Variants in AOPEP observed in about 807,000 individuals in gnomAD.
The protein encoded by AOPEP is aminopeptidase O (putative).
Under a neutral mutation model 98.1 loss-of-function variants are expected in AOPEP, and 77 were observed. The observed-to-expected ratio is 0.78, with a 90% CI of 0.65 to 0.95. The LOEUF is 0.95. AOPEP is among the 40% of genes least tolerant of loss of function. The pLI is 0.00. For synonymous variants in AOPEP, 346 were observed against 365.3 expected (o/e 0.95, Z 0.60); for missense variants, 1,024 against 1,024.7 (o/e 1.00, Z 0.01).
the AOPEP span, chr9:95,100,732 G>T: frequency 4.4e-6 from 1 of 227,366 alleles, no homozygotes; most frequent in African/African-American, 2.2e-5. Context: ...CCGGGTTCAA[G>T]AGATCCTCAT....
At chr9:94,742,177 A>G (rs1273649251) in intron 1 of AOPEP, among the ~76,000 whole-genome samples, 3 of 152,214 alleles carry the variant, frequency 2.0e-5, no homozygotes, top group South Asian at 2.1e-4. Flanking sequence ...AGAGTTGTAT[A>G]CAAGAATTTA....
intron 11 of AOPEP, among the ~76,000 whole-genome samples, chr9:94,979,775 G>A (rs2060066990): frequency 6.6e-6 from 1 of 152,222 alleles, no homozygotes; most frequent in Non-Finnish European, 1.5e-5. Flanking sequence ...GGTGGCAGGG[G>A]AGCAGGTTGA....
chr9:95,062,555 C>T (rs2067419037), intron 14 of AOPEP, among the ~76,000 whole-genome samples: 1 of 152,228 alleles, frequency 6.6e-6, no homozygotes, highest in Non-Finnish European at 1.5e-5. Context: ...CGGTCTGTCC[C>T]TCCCTCTTTT....
chr9:95,017,075 G>C (rs1490428076), intron 13 of AOPEP, among the ~76,000 whole-genome samples: 1 of 151,712 alleles, frequency 6.6e-6, no homozygotes, highest in Non-Finnish European at 1.5e-5. Flanking sequence ...AGGAGAAAAA[G>C]CTATGAAGGG....
In AOPEP at chr9:95,085,596, G is replaced by A. The variant is rs75439956; in HGVS notation, c.*5-1086G>A. 2,151 of 423,746 alleles carry A rather than the reference G, an allele frequency of 5.1e-3. 44 individuals carry two copies. The highest frequency in any genetic ancestry group is 0.041 in the African/African-American group (1,960 of 48,360). The allele number at this position is 423,746 out of a possible 1,614,324, so 26.2% of individuals were successfully genotyped here. On this transcript the variant is annotated intron_variant, in intron 16 of 16. Coordinates refer to ENST00000375315, the MANE Select transcript of AOPEP (RefSeq NM_001193329.3). Reference sequence around the variant, plus strand: ...GGGCAGAGGCCGTTGCTGACGGGCCGGCCGCTGCTGCACAGTCAGCTTGGG... The same window carrying A: ...GGGCAGAGGCCGTTGCTGACGGGCCAGCCGCTGCTGCACAGTCAGCTTGGG...
the AOPEP span, among the ~76,000 whole-genome samples, chr9:95,098,279 G>A: frequency 1.1e-4 from 17 of 152,168 alleles, no homozygotes; most frequent in South Asian, 6.2e-4. Context: ...GACCCCATTC[G>A]TAACTTCTCC....
the AOPEP span, chr9:95,114,483 A>T: frequency 1.3e-6 from 1 of 792,788 alleles, no homozygotes; most frequent in Non-Finnish European, 2.2e-6. Flanking sequence ...CGCTTCCTCC[A>T]CTTCTCACTT....
intron 5 of AOPEP, among the ~76,000 whole-genome samples, chr9:94,848,681 G>T (rs1373165916): frequency 6.6e-6 from 1 of 151,976 alleles, no homozygotes; most frequent in African/African-American, 2.4e-5. Flanking sequence ...CATGGAGCTT[G>T]ACTCGGAGAT....
intron 5 of AOPEP, among the ~76,000 whole-genome samples, chr9:94,806,832 ATGTG>A (rs1849364463): frequency 6.6e-6 from 1 of 152,190 alleles, no homozygotes; most frequent in African/African-American, 2.4e-5. Context: ...GGTAGTGAGA[ATGTG>A]TGTGTATGTT....
At chr9:94,924,778 A>T (rs189383820) in intron 6 of AOPEP, among the ~76,000 whole-genome samples, 39 of 152,342 alleles carry the variant, frequency 2.6e-4, no homozygotes, top group Non-Finnish European at 2.6e-4. Flanking sequence ...AATATAACCT[A>T]CACTATTAGT....
At chr9:94,816,098 C>G (rs900432081) in intron 5 of AOPEP, among the ~76,000 whole-genome samples, 9 of 152,128 alleles carry the variant, frequency 5.9e-5, no homozygotes, top group South Asian at 2.1e-4. Context: ...CCTTATTTCC[C>G]TTATTTTATC....
chr9:94,764,886 T>C (rs1486207345), intron 2 of AOPEP, among the ~76,000 whole-genome samples: 1 of 152,142 alleles, frequency 6.6e-6, no homozygotes, highest in Non-Finnish European at 1.5e-5. Flanking sequence ...TTTATTATTA[T>C]TTTATAAGAC....
chr9:94,943,431 T>C (rs2057238454), intron 7 of AOPEP, among the ~76,000 whole-genome samples: 1 of 150,014 alleles, frequency 6.7e-6, no homozygotes, highest in Non-Finnish European at 1.5e-5. Flanking sequence ...CCGTCTCTAC[T>C]GAAAACACAA....
rs1405157155 is a variant in AOPEP, at chr9:94,777,727, G to C, written c.964+4559G>C. Among the ~76,000 whole-genome samples, 4 of 141,124 alleles carry C rather than the reference G, an allele frequency of 2.8e-5. No individual in the cohort carries two copies. In the East Asian group the frequency reaches 8.9e-4, roughly 31 times the overall value. The allele number at this position is 141,124 out of a possible 152,430, so 92.6% of individuals were successfully genotyped here. A position where few individuals can be genotyped will look rare whatever the true frequency, so the allele number is the denominator to read the frequency against. ...CAGCTCACTGCAACCTCTGCTTCCC[G>C]GGCTCAAGCGATTCTCTCACCGAGC... On this transcript the variant is annotated intron_variant, in intron 3 of 16. Coordinates refer to ENST00000375315, the MANE Select transcript of AOPEP (RefSeq NM_001193329.3).
At chr9:95,036,696 C>CTTT (rs2064856174) in intron 13 of AOPEP, among the ~76,000 whole-genome samples, 1 of 49,094 alleles carries the variant, frequency 2.0e-5, no homozygotes, top group Non-Finnish European at 7.1e-5. Context: ...CTTCTTTCTT[C>CTTT]TTCTTCTTTT....
chr9:94,890,175 G>C (rs760022374), intron 5 of AOPEP, among the ~76,000 whole-genome samples: 1 of 150,840 alleles, frequency 6.6e-6, no homozygotes, highest in Non-Finnish European at 1.5e-5. Context: ...CTACAGGTGC[G>C]CACCACTATG....
intron 13 of AOPEP, among the ~76,000 whole-genome samples, chr9:95,037,724 G>T (rs540079286): frequency 1.3e-5 from 2 of 152,210 alleles, no homozygotes; most frequent in African/African-American, 4.8e-5. Flanking sequence ...GCGTCTGTCT[G>T]TGGGCCTTCA....
intron 5 of AOPEP, among the ~76,000 whole-genome samples, chr9:94,906,745 C>T (rs2051205288): frequency 6.6e-6 from 1 of 152,202 alleles, no homozygotes; most frequent in Admixed American, 6.5e-5. Flanking sequence ...CCCCAGTCCA[C>T]ATCAGTTTGG....
chr9:94,765,720 T>C (rs143639897), intron 2 of AOPEP, among the ~76,000 whole-genome samples: 1 of 152,228 alleles, frequency 6.6e-6, no homozygotes, highest in East Asian at 1.9e-4. Context: ...AGAAAACATA[T>C]TTGAAGCTGT....
Sources: gnomAD v4.1 joint callset for allele counts (sites outside exome capture counted in the v4.1 genomes callset) on GRCh38, gnomAD v4.1.1 for gene constraint, MANE v1.5 for transcripts, NCBI Gene and HGNC (gene_info 2026-07-23, HGNC 2026-07-21) for gene names.